Variants in LIN7B observed in about 807,000 individuals in gnomAD.
LIN7B encodes protein lin-7 homolog B.
LIN7B carries 16 observed loss-of-function variants against 27.9 expected under a neutral mutation model. The ratio of observed to expected loss-of-function variants is 0.57; its 90% CI spans 0.39 to 0.87. The LOEUF (loss-of-function observed/expected upper bound fraction) is 0.87. Ranked by LOEUF, LIN7B falls within the 40% of genes least tolerant of loss-of-function variation. The pLI is 0.00. For missense variants in LIN7B, 291 were observed against 288.5 expected, an observed-to-expected ratio of 1.01 and a Z score of -0.06; for synonymous variants, 147 against 120.8, an observed-to-expected ratio of 1.22 and a Z score of -1.42.
chr19:49,115,859 G>GA (rs2040817542), intron 3 of LIN7B: 1 of 159,494 alleles, frequency 6.3e-6, no homozygotes, highest in Non-Finnish European at 1.4e-5. Flanking sequence ...AGAAAAAGCC[G>GA]AGCGTGGTGG....
At chr19:49,114,543 G>A (rs2040791899) in intron 1 of LIN7B, 102 bp downstream of exon 1, 2 of 919,070 alleles carry the variant, frequency 2.2e-6, no homozygotes, top group Admixed American at 4.4e-5. Flanking sequence ...GTGGGCCAGC[G>A]GACCCGGAGG....
rs1451599595 is a variant in LIN7B at position 49,115,253 on chromosome 19, C to T, written c.157-7C>T. ...CGACTCCCTGATGCCGCTGCCTCCT[C>T]ACCCAGGTGTATGAGCAGCTTTATG... On this transcript the variant is annotated splice_region_variant and splice_polypyrimidine_tract_variant and intron_variant, in intron 2 of 5. Transcript: ENST00000221459. 1 of 1,551,728 alleles carries T rather than the reference C, an allele frequency of 6.4e-7. No individual in the cohort carries two copies. The highest frequency in any genetic ancestry group is 1.2e-5 in the South Asian group (1 of 84,056).
At position 49,116,258 on chromosome 19, in the gene LIN7B, C is replaced by T; in HGVS notation, c.229-5C>T. ...CCTCATCTTCAGTCGCTTTCTCTCT[C>T]CCAGGCCACAGTGGCTGCCTTCACA... On this transcript the variant is annotated splice_region_variant and splice_polypyrimidine_tract_variant and intron_variant, in intron 3 of 5. Transcript: ENST00000221459. The T allele has an allele frequency of 6.2e-7, 1 of 1,611,756 alleles. No individual in the cohort carries two copies. The highest frequency in any genetic ancestry group is 8.5e-7 in the Non-Finnish European group (1 of 1,178,652).
chr19:49,115,170 TG>T, intron 2 of LIN7B, 89 bp from the exon 3 acceptor site: 1 of 1,170,288 alleles, frequency 8.5e-7, no homozygotes, highest in Non-Finnish European at 1.2e-6. Context: ...GATCCTTGCG[TG>T]GTAGCGGGAG....
In LIN7B at chr19:49,118,446, G is replaced by T. The variant is rs552197396; in HGVS notation, c.*73G>T. The T allele has an allele frequency of 9.4e-6, 15 of 1,592,230 alleles. No homozygotes were observed. The South Asian group carries it at 1.5e-4, about 16-fold the overall frequency. On this transcript the variant is annotated 3_prime_UTR_variant, in exon 6 of 6. Coordinates refer to ENST00000221459, the MANE Select transcript of LIN7B (RefSeq NM_022165.3). ...TATTGTTCCTGGCACTTTATTTAAA[G>T]ATATTTGACCCTCACTGAGTGTCTG...
chr19:49,114,543 G>T, intron 1 of LIN7B, 102 bp downstream of exon 1: 1 of 919,188 alleles, frequency 1.1e-6, no homozygotes, highest in Non-Finnish European at 1.4e-6. Context: ...GTGGGCCAGC[G>T]GACCCGGAGG....
rs1031389023 is a variant in LIN7B at position 49,114,953 on chromosome 19, T to C, written c.142T>C (p.Ser48Pro). The C allele has an allele frequency of 2.1e-6, 3 of 1,426,774 alleles. No homozygotes were observed. In the African/African-American group the frequency reaches 4.4e-5, roughly 21 times the overall value. The allele number at this position is 1,426,774 out of a possible 1,614,324, so 88.4% of individuals were successfully genotyped here. Reference sequence around the variant, plus strand: ...GCGAGTTCTGCAGAGCCGCTTCTGCTCCGCTATCCGAGAGGTGAGGGGCGC... The same window carrying C: ...GCGAGTTCTGCAGAGCCGCTTCTGCCCCGCTATCCGAGAGGTGAGGGGCGC... Reference protein sequence around the residue: ...LQRVLQSRFCSAIREVYEQLY... With the variant: ...LQRVLQSRFCPAIREVYEQLY... The change falls in exon 2 of 6, where the codon TCC (serine) becomes CCC (proline). Residue 48 changes from serine (S) to proline (P), a missense_variant. Ser to Pro is a moderately conservative substitution (Grantham distance 74). Transcript: ENST00000221459.
chr19:49,115,835 AAAAAAAAAAAG>A (rs2040816653), intron 3 of LIN7B: 1 of 146,936 alleles, frequency 6.8e-6, no homozygotes, highest in African/African-American at 2.7e-5. Flanking sequence ...AAATACAAAA[AAAAAAAAAAAG>A]AAAGAAAAAG....
chr19:49,115,603 C>T (rs1349013383), intron 3 of LIN7B: 7 of 353,440 alleles, frequency 2.0e-5, no homozygotes, highest in Non-Finnish European at 2.6e-5. Context: ...GCGCTCTGAC[C>T]TCTCACTGCA....
At position 49,114,439 on chromosome 19, in the gene LIN7B, G is replaced by T. The variant is rs1222092345; in HGVS notation, c.35G>T (p.Arg12Leu). 2.5e-6 allele frequency: 3 copies of T among 1,207,992 alleles called. No homozygotes were observed. The highest frequency in any genetic ancestry group is 3.1e-6 in the Non-Finnish European group (3 of 972,576). 74.8% of individuals were successfully genotyped at this position (1,207,992 alleles called of 1,614,324 possible). ...AALVEPLGLERDVSRAVELLE... is the reference protein window; with the variant it reads ...AALVEPLGLELDVSRAVELLE... ...CTGGTGGAGCCGCTGGGGCTGGAGC[G>T]GGGTAAGCGTGCGCCAGGGGGCCCT... is the stretch of plus-strand genomic sequence containing the variant. Residue 12 changes from arginine (R) to leucine (L), a missense_variant and splice_region_variant, in exon 1 of 6, where the codon CGG becomes CTG. By Grantham distance (102) the Arg-to-Leu change is moderately radical. Transcript: ENST00000221459.
chr19:49,118,236 T>A, intron 5 of LIN7B, 116 bp from the exon 6 acceptor site: 1 of 1,357,098 alleles, frequency 7.4e-7, no homozygotes, highest in Non-Finnish European at 1.0e-6. Flanking sequence ...GAACCTACTG[T>A]GGCTGGGATC....
intron 4 of LIN7B, among the ~76,000 whole-genome samples, 180 bp from the exon 5 acceptor site, chr19:49,117,675 A>C (rs376566560): frequency 6.3e-4 from 96 of 152,266 alleles, no homozygotes; most frequent in African/African-American, 2.2e-3. Context: ...TGACATGGGA[A>C]TCCTGGGAGG....
In LIN7B at chr19:49,117,736, A is replaced by C. The variant is rs554053262; in HGVS notation, c.439-119A>C. 1.6e-3 allele frequency: 1,314 copies of C among 818,716 alleles called. 5 individuals carry two copies. Among genetic ancestry groups the C allele is most frequent in the Non-Finnish European group, 1.4e-3 (713 of 494,036 alleles). The allele number at this position is 818,716 out of a possible 1,614,324, so 50.7% of individuals were successfully genotyped here. A position where few individuals can be genotyped will look rare whatever the true frequency, so the allele number is the denominator to read the frequency against. On this transcript the variant is annotated intron_variant, in intron 4 of 5. Coordinates refer to ENST00000221459, the MANE Select transcript of LIN7B (RefSeq NM_022165.3). Reference sequence around the variant, plus strand: ...AGTTAATGACTCCCACGAGGAGGACATGAGGCATTGACATCTCAGGGCTGG... The same window carrying C: ...AGTTAATGACTCCCACGAGGAGGACCTGAGGCATTGACATCTCAGGGCTGG...
rs781155238 is a variant in LIN7B, at chr19:49,118,425, G to C, written c.*52G>C. ...ACTCTCTTCCTGTACAGTATTTATT[G>C]TTCCTGGCACTTTATTTAAAGATAT... On this transcript the variant is annotated 3_prime_UTR_variant, in exon 6 of 6. Coordinates refer to ENST00000221459, the MANE Select transcript of LIN7B (RefSeq NM_022165.3). 5.6e-6 allele frequency: 9 copies of C among 1,604,102 alleles called. No individual in the cohort carries two copies. Among genetic ancestry groups the C allele is most frequent in the Admixed American group, 1.7e-5 (1 of 59,984 alleles).
At chr19:49,114,796 C>A in intron 1 of LIN7B, 53 bp from the exon 2 acceptor site, 1 of 1,094,380 alleles carries the variant, frequency 9.1e-7, no homozygotes, top group Non-Finnish European at 1.2e-6. Flanking sequence ...TGCTTCTCTG[C>A]GTCTCGGGGT....
At chr19:49,114,468 C>T (rs1280298560) in intron 1 of LIN7B, 27 bp downstream of exon 1, 3 of 1,207,024 alleles carry the variant, frequency 2.5e-6, no homozygotes, top group Non-Finnish European at 3.1e-6. Context: ...GGGCCCTGCC[C>T]ACCCGGGCCG....
rs1379468707 is a variant in LIN7B, at chr19:49,114,497, C to G, written c.37+56C>G. On this transcript the variant is annotated intron_variant, in intron 1 of 5. Coordinates refer to ENST00000221459, the MANE Select transcript of LIN7B (RefSeq NM_022165.3). Reference sequence around the variant, plus strand: ...CGGGCCGCGGCCTACATACCCAGCCCCCGGTCCCCGCCCTTCCCGGGTCAG... The same window carrying G: ...CGGGCCGCGGCCTACATACCCAGCCGCCGGTCCCCGCCCTTCCCGGGTCAG... 4 of 1,165,948 alleles carry G rather than the reference C, an allele frequency of 3.4e-6. No homozygotes were observed. In the South Asian group the frequency reaches 1.3e-4, roughly 38 times the overall value. 72.2% of individuals were successfully genotyped at this position (1,165,948 alleles called of 1,614,324 possible).
chr19:49,118,301 G>A (rs376154277), intron 5 of LIN7B, 51 bp from the exon 6 acceptor site: 122 of 1,606,914 alleles, frequency 7.6e-5, no homozygotes, highest in Non-Finnish European at 1.0e-4. Flanking sequence ...TGCCCCTCTT[G>A]TCTACCCGGA....
chr19:49,117,818 G>T, intron 4 of LIN7B, 37 bp from the exon 5 acceptor site: 1 of 1,587,604 alleles, frequency 6.3e-7, no homozygotes, highest in Non-Finnish European at 8.6e-7. Flanking sequence ...CGAGGGCAGC[G>T]GGCCCCAGGC....
Sources: gnomAD v4.1 joint callset for allele counts (sites outside exome capture counted in the v4.1 genomes callset) on GRCh38, gnomAD v4.1.1 for gene constraint, MANE v1.5 for transcripts, NCBI Gene and HGNC (gene_info 2026-07-23, HGNC 2026-07-21) for gene names.